Variants in ZFAND5 observed in about 807,000 individuals in gnomAD.
ZFAND5 encodes the protein zinc finger AN1-type containing 5.
A neutral mutation model predicts 23.6 loss-of-function variants in ZFAND5; 4 were observed. The ratio of observed to expected loss-of-function variants is 0.17; its 90% CI spans 0.08 to 0.39. ZFAND5 has a LOEUF of 0.39. Ranked by LOEUF, ZFAND5 falls within the 10% of genes least tolerant of loss-of-function variation. The pLI is 1.00. For missense variants in ZFAND5, 161 were observed against 253.7 expected (o/e 0.63, Z 2.48); for synonymous variants, 68 against 80.6 (o/e 0.84, Z 0.84).
At position 72,356,107 on chromosome 9, in the gene ZFAND5, C is replaced by A. The variant is rs1208341235; in HGVS notation, c.494-6G>T. ...TCCACATCGGCAGTCAAACCCTGTACAAACGAAGAAGTAGAGTCATTTGAG... is the reference window on the plus strand; with the variant it reads ...TCCACATCGGCAGTCAAACCCTGTAAAAACGAAGAAGTAGAGTCATTTGAG... On this transcript the variant is annotated splice_polypyrimidine_tract_variant and splice_region_variant and intron_variant, in intron 6 of 6. Coordinates refer to ENST00000376962, the MANE Select transcript of ZFAND5 (RefSeq NM_001102420.3). The A allele has an allele frequency of 1.2e-6, 2 of 1,603,736 alleles. No homozygotes were observed. Among genetic ancestry groups the A allele is most frequent in the African/African-American group, 2.7e-5 (2 of 74,048 alleles).
In ZFAND5 at chr9:72,355,034, CT is replaced by C. The variant is rs1344407464; in HGVS notation, c.*918del. The C allele has an allele frequency of 6.6e-6, 1 of 152,604 alleles. No homozygotes were observed. The highest frequency in any genetic ancestry group is 6.5e-5 in the Admixed American group (1 of 15,270). 9.5% of individuals were successfully genotyped at this position (152,604 alleles called of 1,614,324 possible). A position where few individuals can be genotyped will look rare whatever the true frequency, so the allele number is the denominator to read the frequency against. ...GTACAGTTACATTAAGAACTGAAGTCTTTTAAAAAGCTTTAAACATTCTTTC... is the reference window on the plus strand; with the variant it reads ...GTACAGTTACATTAAGAACTGAAGTCTTTAAAAAGCTTTAAACATTCTTTC... On this transcript the variant is annotated 3_prime_UTR_variant, in exon 7 of 7. Coordinates refer to ENST00000376962, the MANE Select transcript of ZFAND5 (RefSeq NM_001102420.3).
Position 72,352,763 on chromosome 9 carries a change from C to A in ZFAND5, c.*3190G>T, listed in dbSNP as rs1841809639. ...TTCCCAAGTTATGGAAACCATTATT[C>A]CAGAACATTAAGACAATAGCAAATA... is the stretch of plus-strand genomic sequence containing the variant. On this transcript the variant is annotated 3_prime_UTR_variant, in exon 7 of 7. Coordinates refer to ENST00000376962, the MANE Select transcript of ZFAND5 (RefSeq NM_001102420.3). 6.6e-6 allele frequency: 1 copy of A among 152,190 alleles called. No homozygotes were observed. Among genetic ancestry groups the A allele is most frequent in the Non-Finnish European group, 1.5e-5 (1 of 68,030 alleles). The allele number at this position is 152,190 out of a possible 1,614,324, so 9.4% of individuals were successfully genotyped here. A position where few individuals can be genotyped will look rare whatever the true frequency, so the allele number is the denominator to read the frequency against.
chr9:72,364,596 C>G (rs1471809439), intron 1 of ZFAND5, 100 bp downstream of exon 1: 2 of 1,232,572 alleles, frequency 1.6e-6, no homozygotes, highest in South Asian at 2.7e-5. Flanking sequence ...GCGGCCTGCT[C>G]CGGCTTCGCC....
At chr9:72,360,266 AACTC>A (rs749920215) in intron 3 of ZFAND5, 45 bp from the exon 4 acceptor site, 2 of 1,496,914 alleles carry the variant, frequency 1.3e-6, no homozygotes, top group South Asian at 1.2e-5. Context: ...ACACTACAAA[AACTC>A]ACTTAGTATC....
Position 72,364,703 on chromosome 9 carries a change from G to C in ZFAND5, c.-154C>G. 6 of 923,102 alleles carry C rather than the reference G, an allele frequency of 6.5e-6. No homozygotes were observed. Among genetic ancestry groups the C allele is most frequent in the Non-Finnish European group, 5.4e-6 (4 of 738,672 alleles). The allele number at this position is 923,102 out of a possible 1,614,324, so 57.2% of individuals were successfully genotyped here. On this transcript the variant is annotated 5_prime_UTR_variant, in exon 1 of 7. Transcript: ENST00000376962. ...CAGCCCCGTATCACTCACCCTGCAG[G>C]GTCCCAAATGCGAAAGCCGGGTTCG...
intron 1 of ZFAND5, chr9:72,364,348 G>T: frequency 2.7e-6 from 3 of 1,114,492 alleles, no homozygotes; most frequent in Non-Finnish European, 3.3e-6. Flanking sequence ...CGCGGCCGCC[G>T]CCTCGGCCTC....
chr9:72,361,971 A>G (rs1564312603), intron 2 of ZFAND5, among the ~76,000 whole-genome samples: 1 of 152,248 alleles, frequency 6.6e-6, no homozygotes, highest in African/African-American at 2.4e-5. Context: ...CGATGTTTTA[A>G]CAAGTATTAA....
In ZFAND5 at chr9:72,354,814, GCAT is replaced by G. The variant is rs1841893942; in HGVS notation, c.*1136_*1138del. ...CACAGAAGTGATTATTACCAGACAAGCATCAGTGAAGTATACTGCCTTTTCTAG... is the reference window on the plus strand; with the variant it reads ...CACAGAAGTGATTATTACCAGACAAGCAGTGAAGTATACTGCCTTTTCTAG... On this transcript the variant is annotated 3_prime_UTR_variant, in exon 7 of 7. Transcript: ENST00000376962. 6.6e-6 allele frequency: 1 copy of G among 152,546 alleles called. No homozygotes were observed. The highest frequency in any genetic ancestry group is 6.6e-5 in the Admixed American group (1 of 15,264). 9.4% of individuals were successfully genotyped at this position (152,546 alleles called of 1,614,324 possible). A position where few individuals can be genotyped will look rare whatever the true frequency, so the allele number is the denominator to read the frequency against.
chr9:72,362,491 C>T (rs986441886), intron 2 of ZFAND5, among the ~76,000 whole-genome samples: 3 of 151,792 alleles, frequency 2.0e-5, no homozygotes, highest in African/African-American at 7.3e-5. Context: ...AAGTTTAAGG[C>T]CAAGCGATCA....
intron 5 of ZFAND5, among the ~76,000 whole-genome samples, chr9:72,357,431 A>ATCAGGGCAGTTCAAAT (rs1373672040): frequency 3.9e-5 from 6 of 152,014 alleles, no homozygotes; most frequent in African/African-American, 1.4e-4. Context: ...AAACTTTTCA[A>ATCAGGGCAGTTCAAAT]TCAGGGCAGT....
intron 4 of ZFAND5, among the ~76,000 whole-genome samples, 163 bp downstream of exon 4, chr9:72,359,947 G>A (rs747520581): frequency 7.2e-5 from 11 of 152,178 alleles, no homozygotes; most frequent in Admixed American, 1.3e-4. Flanking sequence ...TCAGGTGTAA[G>A]TAACACACAT....
chr9:72,360,516 C>T (rs891823928), intron 3 of ZFAND5, 112 bp downstream of exon 3: 3 of 1,416,700 alleles, frequency 2.1e-6, no homozygotes, highest in Non-Finnish European at 2.9e-6. Flanking sequence ...GAATTTCAAG[C>T]TCTTATCAGG....
At chr9:72,363,787 T>C (rs1842172482) in intron 1 of ZFAND5, 181 bp from the exon 2 acceptor site, 1 of 380,194 alleles carries the variant, frequency 2.6e-6, no homozygotes, top group Non-Finnish European at 3.6e-6. Context: ...TCGTTTATGT[T>C]TTTAGAAGTC....
Position 72,363,559 on chromosome 9 carries a change from C to G in ZFAND5, c.-99G>C. On this transcript the variant is annotated 5_prime_UTR_variant, in exon 2 of 7. Coordinates refer to ENST00000376962, the MANE Select transcript of ZFAND5 (RefSeq NM_001102420.3). ...CTTACTTTCCAGATTTCAGTTCCCT[C>G]TTTGCCAAATGGAGTAGAATTGACT... 3 of 919,968 alleles carry G rather than the reference C, an allele frequency of 3.3e-6. No homozygotes were observed. The highest frequency in any genetic ancestry group is 3.9e-6 in the Non-Finnish European group (3 of 770,208). 57.0% of individuals were successfully genotyped at this position (919,968 alleles called of 1,614,324 possible).
chr9:72,362,309 CA>C (rs35754049), intron 2 of ZFAND5, among the ~76,000 whole-genome samples: 4 of 152,040 alleles, frequency 2.6e-5, no homozygotes, highest in African/African-American at 7.2e-5. Context: ...ATAATAGGAG[CA>C]AAAAATGCTT....
intron 2 of ZFAND5, among the ~76,000 whole-genome samples, chr9:72,362,768 G>A (rs2131986004): frequency 6.6e-6 from 1 of 152,184 alleles, no homozygotes; most frequent in Non-Finnish European, 1.5e-5. Flanking sequence ...CATCACATGT[G>A]CACAGCTTGC....
rs115075742 is a variant in ZFAND5 at position 72,364,960 on chromosome 9, G to T, written c.-411C>A. The T allele has an allele frequency of 4.1e-3, 623 of 153,052 alleles. 2 individuals are homozygous for T. The highest frequency in any genetic ancestry group is 0.014 in the African/African-American group (584 of 41,584). 9.5% of individuals were successfully genotyped at this position (153,052 alleles called of 1,614,324 possible). ...AGGGGGGGCCGAGGAGGAGGTGGAG[G>T]GAGGACCGGCGGCCGCAGCGGCTAA... On this transcript the variant is annotated 5_prime_UTR_variant, in exon 1 of 7. Coordinates refer to ENST00000376962, the MANE Select transcript of ZFAND5 (RefSeq NM_001102420.3).
intron 2 of ZFAND5, among the ~76,000 whole-genome samples, chr9:72,362,421 T>A (rs1023795922): frequency 6.6e-6 from 1 of 152,212 alleles, no homozygotes; most frequent in African/African-American, 2.4e-5. Flanking sequence ...TAAAACCAGT[T>A]TAAGTATGCT....
Position 72,352,218 on chromosome 9 carries a change from C to G in ZFAND5, c.*3735G>C, listed in dbSNP as rs1161064736. 3 of 152,238 alleles carry G rather than the reference C, an allele frequency of 2.0e-5. No homozygotes were observed. Among genetic ancestry groups the G allele is most frequent in the Non-Finnish European group, 4.4e-5 (3 of 68,078 alleles). 9.4% of individuals were successfully genotyped at this position (152,238 alleles called of 1,614,324 possible). Reference sequence around the variant, plus strand: ...GTCCCAACTACTCCGGAGGCTGAGCCAGGAGAATGGCGTGAACCCGGGAGG... The same window carrying G: ...GTCCCAACTACTCCGGAGGCTGAGCGAGGAGAATGGCGTGAACCCGGGAGG... On this transcript the variant is annotated 3_prime_UTR_variant, in exon 7 of 7. Transcript: ENST00000376962.
Sources: allele counts gnomAD v4.1 joint callset (sites outside exome capture counted in the v4.1 genomes callset), GRCh38; gene constraint gnomAD v4.1.1; transcripts MANE v1.5; gene names NCBI Gene and HGNC (gene_info 2026-07-23, HGNC 2026-07-21).